CCDC7: variants seen among roughly 807,000 people sequenced by gnomAD.
CCDC7 encodes coiled-coil domain-containing protein 7.
A neutral mutation model predicts 196.9 loss-of-function variants in CCDC7; 183 were observed. The ratio of observed to expected loss-of-function variants is 0.93; its 90% CI spans 0.82 to 1.05. CCDC7 has a LOEUF of 1.05. Among genes scored for constraint, CCDC7 ranks in the 50% least tolerant of loss-of-function variants. CCDC7 has a pLI of 0.00. For missense variants in CCDC7, 1,540 were observed against 1,482.2 expected, an observed-to-expected ratio of 1.04 and a Z score of -0.64; for synonymous variants, 525 against 484.6, an observed-to-expected ratio of 1.08 and a Z score of -1.10.
chr10:32,739,104 G>C (rs1592213858), intron 28 of CCDC7, among the ~76,000 whole-genome samples: 1 of 152,050 alleles, frequency 6.6e-6, no homozygotes, highest in African/African-American at 2.4e-5. Flanking sequence ...TATAGCATAT[G>C]ATTAGGTCTA....
At chr10:32,449,817 G>T (rs1471407411), upstream of CCDC7, among the ~76,000 whole-genome samples, 1 of 152,088 alleles carries the variant, frequency 6.6e-6, no homozygotes, top group Non-Finnish European at 1.5e-5. Context: ...TCATAAATGG[G>T]ACTACTGCCC....
chr10:32,760,752 A>G (rs2077332592), intron 28 of CCDC7, among the ~76,000 whole-genome samples: 1 of 149,050 alleles, frequency 6.7e-6, no homozygotes, highest in Non-Finnish European at 1.5e-5. Flanking sequence ...TAATAATAAT[A>G]AAATTAAAAA....
intron 8 of CCDC7, among the ~76,000 whole-genome samples, chr10:32,487,925 AG>A: frequency 6.6e-6 from 1 of 152,254 alleles, no homozygotes; most frequent in Non-Finnish European, 1.5e-5. Context: ...TAGGCTACTC[AG>A]GGGTCAGGGA....
intron 28 of CCDC7, among the ~76,000 whole-genome samples, chr10:32,731,985 G>A (rs889296882): frequency 4.6e-5 from 7 of 152,220 alleles, no homozygotes; most frequent in Admixed American, 6.5e-5. Context: ...TCCGTGAAGC[G>A]CAGGTTGCAG....
At chr10:32,621,997 A>AT (rs1564853986) in intron 18 of CCDC7, among the ~76,000 whole-genome samples, 1 of 152,210 alleles carries the variant, frequency 6.6e-6, no homozygotes, top group East Asian at 1.9e-4. Flanking sequence ...CACAAGCACC[A>AT]TTGTACTTAC....
chr10:32,728,758 C>A, intron 26 of CCDC7, 129 bp from the exon 28 acceptor site: 1 of 491,526 alleles, frequency 2.0e-6, no homozygotes, highest in East Asian at 3.3e-5. Context: ...TAAAATTATT[C>A]TATTTTTGTG....
At chr10:32,680,361 C>G (rs2075682870) in intron 21 of CCDC7, among the ~76,000 whole-genome samples, 1 of 152,032 alleles carries the variant, frequency 6.6e-6, no homozygotes, top group Non-Finnish European at 1.5e-5. Flanking sequence ...TTCATAAGAC[C>G]TTCATTAGTT....
At chr10:32,626,235 T>G (rs1429148819) in intron 18 of CCDC7, among the ~76,000 whole-genome samples, 2 of 152,058 alleles carry the variant, frequency 1.3e-5, no homozygotes, top group African/African-American at 4.8e-5. Context: ...CACTTATCTT[T>G]GGTATTTTTG....
At chr10:32,847,092 A>G (rs1468426239) in intron 37 of CCDC7, among the ~76,000 whole-genome samples, 2 of 152,170 alleles carry the variant, frequency 1.3e-5, no homozygotes, top group African/African-American at 2.4e-5. Context: ...TCTAAAACCA[A>G]TGTTATCCAA....
intron 32 of CCDC7, among the ~76,000 whole-genome samples, chr10:32,831,705 C>T (rs553808629): frequency 8.5e-5 from 13 of 152,150 alleles, no homozygotes; most frequent in African/African-American, 2.7e-4. Flanking sequence ...TCCACCTCCA[C>T]GTCTTGCCCC....
chr10:32,682,468 C>T (rs926196198), intron 21 of CCDC7, among the ~76,000 whole-genome samples: 8 of 152,172 alleles, frequency 5.3e-5, no homozygotes, highest in Non-Finnish European at 1.2e-4. Context: ...CATGCACATG[C>T]ATGTGTCTTT....
intron 28 of CCDC7, among the ~76,000 whole-genome samples, chr10:32,740,373 G>A (rs2085624308): frequency 6.6e-6 from 1 of 152,208 alleles, no homozygotes; most frequent in Admixed American, 6.5e-5. Flanking sequence ...AGGAAATACA[G>A]TTGATACTTG....
At chr10:32,515,321 T>G (rs1368756108) in intron 9 of CCDC7, among the ~76,000 whole-genome samples, 1 of 152,172 alleles carries the variant, frequency 6.6e-6, no homozygotes, top group African/African-American at 2.4e-5. Flanking sequence ...ATTTTAAAAC[T>G]TAATACAAAG....
intron 29 of CCDC7, among the ~76,000 whole-genome samples, chr10:32,781,054 G>C (rs1233923428): frequency 6.6e-6 from 1 of 151,968 alleles, no homozygotes; most frequent in African/African-American, 2.4e-5. Context: ...CAAAAAAACT[G>C]GATAACCTAG....
At chr10:32,509,183 C>G (rs547883692) in intron 9 of CCDC7, among the ~76,000 whole-genome samples, 52 of 152,186 alleles carry the variant, frequency 3.4e-4, no homozygotes, top group Non-Finnish European at 5.9e-4. Flanking sequence ...GTAATTAATA[C>G]AGTATGGTAC....
At chr10:32,810,313 A>C (rs1338278705) in intron 30 of CCDC7, among the ~76,000 whole-genome samples, 1 of 152,198 alleles carries the variant, frequency 6.6e-6, no homozygotes, top group Non-Finnish European at 1.5e-5. Flanking sequence ...CTGGTAGTGA[A>C]GGAATGGAAA....
rs559935996 is a variant in CCDC7, at chr10:32,796,150, G to T, written c.3014-8865G>T. Among the ~76,000 whole-genome samples, 3 of 151,872 alleles carry T rather than the reference G, an allele frequency of 2.0e-5. No homozygotes were observed. The South Asian group carries it at 6.3e-4, about 32-fold the overall frequency. On this transcript the variant is annotated intron_variant, in intron 29 of 41. Transcript: ENST00000639629. ...CCAGGGATTGAGGCAGGGACAAGTC[G>T]CTGTCTGCTTTGAGTTTTTGTTGCT... is the stretch of plus-strand genomic sequence containing the variant.
chr10:32,640,337 CT>C (rs1199863198), intron 20 of CCDC7, among the ~76,000 whole-genome samples: 2 of 149,946 alleles, frequency 1.3e-5, no homozygotes, highest in African/African-American at 4.9e-5. Flanking sequence ...GTTTAAAGTA[CT>C]TTTTTTGTTT....
In CCDC7 at chr10:32,845,616, A is replaced by T. The variant is rs1287416898; in HGVS notation, c.3510A>T (p.Lys1170Asn). ...AGGAGTCAACCACGACACAATTAAA[A>T]AGTCACCCAGGTAAGAGAAAACAAT... The change falls in exon 35 of 42, where the codon AAA becomes AAT. Residue 1170 changes from lysine to asparagine, a missense_variant. Lys to Asn is a moderately conservative substitution (Grantham distance 94). Transcript: ENST00000639629. The T allele has an allele frequency of 2.5e-6, 4 of 1,611,316 alleles. No homozygotes were observed. In the East Asian group the frequency reaches 8.9e-5, roughly 36 times the overall value.
Sources: allele counts gnomAD v4.1 joint callset (sites outside exome capture counted in the v4.1 genomes callset), GRCh38; gene constraint gnomAD v4.1.1; transcripts MANE v1.5; gene names NCBI Gene and HGNC (gene_info 2026-07-23, HGNC 2026-07-21).